The following KCNK2 variants were observed in gnomAD, a reference collection of about 807,000 sequenced individuals.
The protein encoded by KCNK2 is potassium channel subfamily K member 2.
KCNK2 carries 21 observed loss-of-function variants against 40.5 expected under a neutral mutation model. The observed-to-expected ratio is 0.52, with a 90% CI of 0.37 to 0.75. KCNK2 has a LOEUF of 0.75. Ranked by LOEUF, KCNK2 falls within the 30% of genes least tolerant of loss-of-function variation. The pLI is 0.00. For synonymous variants in KCNK2, 191 were observed against 202.2 expected, an observed-to-expected ratio of 0.94 and a Z score of 0.47; for missense variants, 399 against 531.6, an observed-to-expected ratio of 0.75 and a Z score of 2.45.
chr1:215,128,213 C>G (rs1323034524), intron 3 of KCNK2, among the ~76,000 whole-genome samples: 1 of 152,074 alleles, frequency 6.6e-6, no homozygotes, highest in Non-Finnish European at 1.5e-5. Context: ...TAGGAATTTG[C>G]TGGGTGAAGA....
rs533796462 is a variant in KCNK2, at chr1:215,121,092, T to C, written c.358-3541T>C. Among the ~76,000 whole-genome samples the C allele has an allele frequency of 6.6e-5, 10 of 152,244 alleles. No individual in the cohort carries two copies. In the South Asian group the frequency reaches 2.1e-3, roughly 32 times the overall value. On this transcript the variant is annotated intron_variant, in intron 2 of 6. Transcript: ENST00000444842. ...GAAAGACTGTTCAGTCCAATAAGAG[T>C]TGAAAATCAATAATATATAGCTATT...
chr1:215,028,290 CA>C (rs1197343468), intron 1 of KCNK2, among the ~76,000 whole-genome samples: 1 of 152,014 alleles, frequency 6.6e-6, no homozygotes, highest in Non-Finnish European at 1.5e-5. Context: ...GAGGCTGAGG[CA>C]GGAGAATCGC....
intron 1 of KCNK2, among the ~76,000 whole-genome samples, chr1:215,060,161 C>T (rs901350181): frequency 6.6e-5 from 10 of 152,232 alleles, no homozygotes; most frequent in East Asian, 1.9e-4. Context: ...AGATTCAGTC[C>T]GCAGTGCCAG....
intron 3 of KCNK2, among the ~76,000 whole-genome samples, chr1:215,132,622 A>G (rs566093559): frequency 1.3e-5 from 2 of 152,310 alleles, no homozygotes; most frequent in African/African-American, 4.8e-5. Context: ...TTGAAATTAA[A>G]TTTGGGTCTT....
intron 6 of KCNK2, among the ~76,000 whole-genome samples, chr1:215,204,361 A>G (rs772914579): frequency 1.6e-4 from 24 of 151,898 alleles, no homozygotes; most frequent in Non-Finnish European, 3.4e-4. Flanking sequence ...TCATCTGGTA[A>G]TGGAAATTCA....
chr1:215,064,261 G>T (rs1033629786), intron 1 of KCNK2, among the ~76,000 whole-genome samples: 13 of 152,068 alleles, frequency 8.5e-5, no homozygotes, highest in African/African-American at 2.9e-4. Flanking sequence ...ACAAAAGTGT[G>T]CAATTTTTCA....
intron 3 of KCNK2, among the ~76,000 whole-genome samples, chr1:215,165,723 T>C (rs1231256496): frequency 6.6e-6 from 1 of 152,110 alleles, no homozygotes; most frequent in African/African-American, 2.4e-5. Flanking sequence ...TAAGGAGTGA[T>C]GGTTCCAGGA....
At chr1:215,111,784 CT>C (rs1303189520) in intron 2 of KCNK2, among the ~76,000 whole-genome samples, 1 of 151,578 alleles carries the variant, frequency 6.6e-6, no homozygotes, top group African/African-American at 2.4e-5. Flanking sequence ...CCATGTTTCC[CT>C]GTTTCTTTAT....
chr1:215,085,395 T>C (rs1176526030), intron 1 of KCNK2, among the ~76,000 whole-genome samples: 1 of 152,220 alleles, frequency 6.6e-6, no homozygotes, highest in Non-Finnish European at 1.5e-5. Context: ...AGTAGAAGTC[T>C]AGTATCTCTT....
chr1:215,087,521 G>A (rs921377301), intron 2 of KCNK2, among the ~76,000 whole-genome samples: 5 of 152,130 alleles, frequency 3.3e-5, no homozygotes, highest in Admixed American at 2.0e-4. Context: ...TGGTCAAATC[G>A]GGATCTTAGT....
intron 1 of KCNK2, among the ~76,000 whole-genome samples, chr1:215,041,900 G>A (rs1415152340): frequency 2.6e-5 from 4 of 152,098 alleles, no homozygotes; most frequent in East Asian, 1.9e-4. Flanking sequence ...GAAGTTTAAC[G>A]GGCTCACAGT....
intron 1 of KCNK2, among the ~76,000 whole-genome samples, chr1:215,067,124 G>C (rs895670967): frequency 6.6e-6 from 1 of 152,070 alleles, no homozygotes; most frequent in Admixed American, 6.6e-5. Flanking sequence ...CTCAAAAGGA[G>C]GAAATCTATC....
intron 3 of KCNK2, 45 bp from the exon 4 acceptor site, chr1:215,169,154 T>G: frequency 6.7e-7 from 1 of 1,494,578 alleles, no homozygotes; most frequent in Non-Finnish European, 9.1e-7. Flanking sequence ...TTCATATGTT[T>G]TAAACAACTA....
intron 1 of KCNK2, among the ~76,000 whole-genome samples, chr1:215,054,524 C>T (rs184130541): frequency 2.0e-5 from 3 of 152,276 alleles, no homozygotes; most frequent in East Asian, 1.9e-4. Context: ...TTGAGATTTT[C>T]GATTCTCCGG....
intron 1 of KCNK2, among the ~76,000 whole-genome samples, chr1:215,045,633 C>T (rs528301457): frequency 6.6e-6 from 1 of 152,114 alleles, no homozygotes; most frequent in Non-Finnish European, 1.5e-5. Context: ...TATGAAAAAC[C>T]TGTCCTTGAA....
intron 6 of KCNK2, among the ~76,000 whole-genome samples, chr1:215,214,843 GAAAAACC>G (rs568845245): frequency 6.6e-5 from 10 of 151,702 alleles, no homozygotes; most frequent in Non-Finnish European, 1.5e-4. Flanking sequence ...ATAAAAAATT[GAAAAACC>G]AAAAACCAAA....
chr1:215,226,556 A>G (rs10864165), intron 6 of KCNK2, among the ~76,000 whole-genome samples: 77,429 of 151,840 alleles, frequency 0.51, 21,131 homozygotes, highest in East Asian at 0.61. Context: ...CAATCTCCTG[A>G]CCTCGCGATT....
intron 6 of KCNK2, among the ~76,000 whole-genome samples, chr1:215,214,353 G>A (rs1375953274): frequency 1.3e-5 from 2 of 152,120 alleles, no homozygotes; most frequent in Admixed American, 1.3e-4. Flanking sequence ...AGAACAGTAA[G>A]GGTGAAATCT....
intron 6 of KCNK2, among the ~76,000 whole-genome samples, chr1:215,222,136 A>C (rs901688096): frequency 6.6e-6 from 1 of 151,994 alleles, no homozygotes; most frequent in Admixed American, 6.6e-5. Context: ...TGAGGGATCC[A>C]CCCCCATGAC....
Sources: allele counts gnomAD v4.1 joint callset (sites outside exome capture counted in the v4.1 genomes callset), GRCh38; gene constraint gnomAD v4.1.1; transcripts MANE v1.5; gene names NCBI Gene and HGNC (gene_info 2026-07-23, HGNC 2026-07-21).